PCDHGB4: variants seen among roughly 807,000 people sequenced by gnomAD.
PCDHGB4 encodes protocadherin gamma subfamily B, 4, also known as protocadherin gamma-B4.
In PCDHGB4, 38 loss-of-function variants were observed where a neutral mutation model predicts 60.5. That is an observed-to-expected ratio of 0.63 (90% CI 0.48 to 0.82). The LOEUF (loss-of-function observed/expected upper bound fraction) is 0.82. Among genes scored for constraint, PCDHGB4 ranks in the 40% least tolerant of loss-of-function variants. The probability of loss-of-function intolerance (pLI) is 0.00; values close to 1 mark genes in which losing one functional copy is unlikely to be tolerated. For missense variants in PCDHGB4, 1,109 were observed against 1,209.6 expected, an observed-to-expected ratio of 0.92 and a Z score of 1.23; for synonymous variants, 456 against 509.7, an observed-to-expected ratio of 0.89 and a Z score of 1.42.
chr5:141,428,168 C>A, intron 1 of PCDHGB4: 1 of 1,551,608 alleles, frequency 6.4e-7, no homozygotes, highest in Non-Finnish European at 8.8e-7. Context: ...GGTTGCTGTG[C>A]GTGACGGAGG....
At chr5:141,395,498 C>T (rs1055094075) in intron 1 of PCDHGB4, 1 of 484,580 alleles carries the variant, frequency 2.1e-6, no homozygotes, top group Non-Finnish European at 3.6e-6. Context: ...CACTCATTCA[C>T]TTAAGAAGTA....
At chr5:141,510,589 A>G (rs1043188276) in intron 3 of PCDHGB4, among the ~76,000 whole-genome samples, 2 of 152,194 alleles carry the variant, frequency 1.3e-5, no homozygotes, top group African/African-American at 2.4e-5. Context: ...CGTACCTGAC[A>G]TACATTTTCT....
intron 1 of PCDHGB4, among the ~76,000 whole-genome samples, chr5:141,420,643 A>G (rs145459829): frequency 0.01 from 1,535 of 152,326 alleles, 17 homozygotes; most frequent in Non-Finnish European, 0.013. Flanking sequence ...GGAACCTTGT[A>G]AGAATTATAG....
intron 1 of PCDHGB4, chr5:141,419,630 G>A (rs1484627772): frequency 6.2e-7 from 1 of 1,612,430 alleles, no homozygotes; most frequent in South Asian, 1.1e-5. Context: ...GGTGACCAAG[G>A]TGGTGGCCGT....
intron 1 of PCDHGB4, among the ~76,000 whole-genome samples, chr5:141,435,794 C>T (rs993951734): frequency 2.6e-5 from 4 of 151,934 alleles, no homozygotes; most frequent in Admixed American, 6.6e-5. Flanking sequence ...GGAAACATAA[C>T]GTCCCAATTA....
intron 1 of PCDHGB4, among the ~76,000 whole-genome samples, chr5:141,397,436 G>GT (rs1255719276): frequency 6.6e-6 from 1 of 152,172 alleles, no homozygotes; most frequent in Non-Finnish European, 1.5e-5. Flanking sequence ...TCCCTAATAT[G>GT]TGTAATATAA....
chr5:141,448,543 G>C (rs1001667281), intron 1 of PCDHGB4, among the ~76,000 whole-genome samples: 3 of 151,988 alleles, frequency 2.0e-5, no homozygotes, highest in Admixed American at 6.6e-5. Context: ...CATTTCTTAT[G>C]CAAATATGTA....
chr5:141,401,458 A>T (rs1470076616), intron 1 of PCDHGB4, among the ~76,000 whole-genome samples: 1 of 152,186 alleles, frequency 6.6e-6, no homozygotes, highest in Non-Finnish European at 1.5e-5. Context: ...CATCCAAATA[A>T]TTTTCTAAGT....
In PCDHGB4 at chr5:141,476,466, A is replaced by C. The variant is rs771760524; in HGVS notation, c.2398-18341A>C. The C allele has an allele frequency of 6.2e-7, 1 of 1,613,996 alleles. No individual in the cohort carries two copies. Reference sequence around the variant, plus strand: ...GAGTTGGTAGTGGAGAACCCGCTGGAGCTGTTCAGCGTGGAAGTGGTGATC... The same window carrying C: ...GAGTTGGTAGTGGAGAACCCGCTGGCGCTGTTCAGCGTGGAAGTGGTGATC... On this transcript the variant is annotated intron_variant, in intron 1 of 3. Transcript: ENST00000519479. This position sits in a 1 kb window ranked among gnomAD's most constrained non-coding sequence, Gnocchi z 7.6.
intron 1 of PCDHGB4, chr5:141,415,071 G>T: frequency 6.2e-7 from 1 of 1,613,422 alleles, no homozygotes; most frequent in East Asian, 2.2e-5. Flanking sequence ...AGGTGCGCAC[G>T]GCGCGAGCCC....
At chr5:141,450,881 G>A (rs1205242412) in intron 1 of PCDHGB4, among the ~76,000 whole-genome samples, 1 of 149,726 alleles carries the variant, frequency 6.7e-6, no homozygotes, top group African/African-American at 2.5e-5. Flanking sequence ...CTGGTGTGCA[G>A]TGGTGCGATA....
chr5:141,433,823 G>T (rs555746621), intron 1 of PCDHGB4, among the ~76,000 whole-genome samples: 2 of 144,288 alleles, frequency 1.4e-5, no homozygotes, highest in Non-Finnish European at 3.0e-5. Context: ...GGCAACAAGA[G>T]TGAAACTCTA....
At chr5:141,423,485 C>T (rs752918607) in intron 1 of PCDHGB4, 30 of 1,613,840 alleles carry the variant, frequency 1.9e-5, no homozygotes, top group Non-Finnish European at 2.2e-5. Context: ...TTCCTGCAAA[C>T]CTATTCCCAC....
chr5:141,418,542 T>G, intron 1 of PCDHGB4: 1 of 1,614,028 alleles, frequency 6.2e-7, no homozygotes, highest in Non-Finnish European at 8.5e-7. Flanking sequence ...ACTGCTCAGA[T>G]AAGAATCCTG....
chr5:141,409,751 C>T, intron 1 of PCDHGB4: 1 of 1,613,000 alleles, frequency 6.2e-7, no homozygotes, highest in Non-Finnish European at 8.5e-7. Flanking sequence ...GGTGTTCGCG[C>T]AGCGCGCCTT....
chr5:141,480,224 T>G (rs2099514647), intron 1 of PCDHGB4, among the ~76,000 whole-genome samples: 1 of 146,584 alleles, frequency 6.8e-6, no homozygotes, highest in Non-Finnish European at 1.5e-5. Context: ...AGCGACATAG[T>G]GAGATCCTGT....
At position 141,491,222 on chromosome 5, in the gene PCDHGB4, C is replaced by A. The variant is rs1185734506; in HGVS notation, c.2398-3585C>A. 6.2e-7 allele frequency: 1 copy of A among 1,614,268 alleles called. No homozygotes were observed. Among genetic ancestry groups the A allele is most frequent in the East Asian group, 2.2e-5 (1 of 44,892 alleles). On this transcript the variant is annotated intron_variant, in intron 1 of 3. Transcript: ENST00000519479. This position sits in a 1 kb window ranked among gnomAD's most constrained non-coding sequence, Gnocchi z 6.9. Reference sequence around the variant, plus strand: ...GACCCTTCACTCTCCTCCACAGCCACAGTGCTGCTGGTTCTGGAGGATGAG... The same window carrying A: ...GACCCTTCACTCTCCTCCACAGCCAAAGTGCTGCTGGTTCTGGAGGATGAG...
In PCDHGB4 at chr5:141,482,843, G is replaced by T. The variant is rs1005014887; in HGVS notation, c.2398-11964G>T. On this transcript the variant is annotated intron_variant, in intron 1 of 3. Transcript: ENST00000519479. ...TCCTAGCACTTTGGGAGGCCAAGGT[G>T]GGCAGATCACTTGAGGTCAGGAGTT... Among the ~76,000 whole-genome samples the T allele has an allele frequency of 4.3e-5, 6 of 140,152 alleles. No homozygotes were observed. The South Asian group carries it at 8.6e-4, about 20-fold the overall frequency. 91.9% of individuals were successfully genotyped at this position (140,152 alleles called of 152,430 possible).
intron 1 of PCDHGB4, chr5:141,427,889 G>A: frequency 1.3e-6 from 2 of 1,566,516 alleles, no homozygotes; most frequent in Non-Finnish European, 1.7e-6. Context: ...CCCACGACCA[G>A]GGCTCGCCCG....
Sources: gnomAD v4.1 joint callset for allele counts (sites outside exome capture counted in the v4.1 genomes callset) on GRCh38, gnomAD v4.1.1 for gene constraint, Gnocchi (gnomAD v3.1) non-coding constraint, MANE v1.5 for transcripts, NCBI Gene and HGNC (gene_info 2026-07-23, HGNC 2026-07-21) for gene names.